ZNF880: variants seen among roughly 807,000 people sequenced by gnomAD.
ZNF880 encodes zinc finger protein 880.
A neutral mutation model predicts 11.8 loss-of-function variants in ZNF880; 12 were observed. The observed-to-expected ratio is 1.02, with a 90% CI of 0.65 to 1.65. The LOEUF (loss-of-function observed/expected upper bound fraction) is 1.65. ZNF880 is among the 40% of genes most tolerant of loss of function. The pLI is 0.00. For missense variants in ZNF880, 601 were observed against 673.9 expected (o/e 0.89, Z 1.20); for synonymous variants, 210 against 232.4 (o/e 0.90, Z 0.88).
intron 1 of ZNF880, among the ~76,000 whole-genome samples, 187 bp from the exon 2 acceptor site, chr19:52,372,909 CAAAAAAAAAAAAAAA>C (rs201869014): frequency 8.6e-5 from 6 of 69,960 alleles, no homozygotes; most frequent in Non-Finnish European, 1.0e-4. Flanking sequence ...GACTCCGTCT[CAAAAAAAAAAAAAAA>C]AAAAAAAAAA....
chr19:52,372,510 G>A (rs1346293320), intron 1 of ZNF880, among the ~76,000 whole-genome samples: 2 of 150,552 alleles, frequency 1.3e-5, no homozygotes, highest in African/African-American at 2.4e-5. Context: ...GGATGGTCTC[G>A]ATCTCGTGAC....
chr19:52,367,939 G>A (rs112979523), upstream of ZNF880, among the ~76,000 whole-genome samples: 6 of 151,890 alleles, frequency 4.0e-5, no homozygotes, highest in African/African-American at 7.3e-5. Context: ...GGTGGCTCAC[G>A]CCTGTAATCT....
At chr19:52,393,592 G>A in the ZNF880 span, among the ~76,000 whole-genome samples, 1 of 151,964 alleles carries the variant, frequency 6.6e-6, no homozygotes, top group Non-Finnish European at 1.5e-5. Flanking sequence ...AGGTGTTTGG[G>A]TTTTTTGTCT....
At position 52,385,234 on chromosome 19, in the gene ZNF880, G is replaced by C. The variant is rs1437806302; in HGVS notation, c.1654G>C (p.Glu552Gln). 4 of 1,551,908 alleles carry C rather than the reference G, an allele frequency of 2.6e-6. No individual in the cohort carries two copies. Among genetic ancestry groups the C allele is most frequent in the East Asian group, 4.9e-5 (2 of 40,918 alleles). ...HTGEKPYRCH[E>Q]CGKDFTRNSN... is the part of the protein sequence containing the mutation. ...TGGGGAGAAACCGTACAGATGTCAT[G>C]AATGTGGTAAGGACTTCACTCGAAA... is the stretch of plus-strand genomic sequence containing the variant. Residue 552 changes from glutamate to glutamine, a missense_variant, in exon 4 of 4, where the codon GAA becomes CAA. Glu to Gln is a conservative substitution (Grantham distance 29, BLOSUM62 2). This residue lies in a region of ZNF880 where 177 missense variants were observed against 214.5 expected (regional missense o/e 0.83). Coordinates refer to ENST00000422689, the MANE Select transcript of ZNF880 (RefSeq NM_001145434.2).
chr19:52,381,664 T>C (rs1021431959), intron 3 of ZNF880, among the ~76,000 whole-genome samples: 1 of 152,044 alleles, frequency 6.6e-6, no homozygotes, highest in African/African-American at 2.4e-5. Flanking sequence ...TTCCCCTACA[T>C]GTCTTTCTTA....
At chr19:52,382,762 G>A (rs1385583115) in intron 3 of ZNF880, among the ~76,000 whole-genome samples, 1 of 152,060 alleles carries the variant, frequency 6.6e-6, no homozygotes, top group Admixed American at 6.5e-5. Flanking sequence ...GAATGTCCTT[G>A]GGTTCGTTTT....
Position 52,385,473 on chromosome 19 carries a change from C to A in ZNF880, c.*159C>A. The A allele has an allele frequency of 1.1e-6, 1 of 873,328 alleles. No homozygotes were observed. The highest frequency in any genetic ancestry group is 1.7e-6 in the Non-Finnish European group (1 of 585,796). 54.1% of individuals were successfully genotyped at this position (873,328 alleles called of 1,614,324 possible). A position where few individuals can be genotyped will look rare whatever the true frequency, so the allele number is the denominator to read the frequency against. ...ATTCCATACTAAAGAGAAATCATAG[C>A]AATGTATGTGAATCAGGTCTCTTGA... On this transcript the variant is annotated 3_prime_UTR_variant, in exon 4 of 4. Transcript: ENST00000422689.
intron 3 of ZNF880, among the ~76,000 whole-genome samples, chr19:52,382,225 C>T (rs1986726684): frequency 6.6e-6 from 1 of 151,890 alleles, no homozygotes; most frequent in South Asian, 2.1e-4. Flanking sequence ...TGCAGTGGGC[C>T]AAGATCACGC....
chr19:52,393,955 G>C, the ZNF880 span, among the ~76,000 whole-genome samples: 8 of 150,704 alleles, frequency 5.3e-5, no homozygotes, highest in East Asian at 1.6e-3. Flanking sequence ...TCCTGCCTCG[G>C]CCTCCCCAGT....
At chr19:52,383,423 C>CAGG (rs10688507) in intron 3 of ZNF880, among the ~76,000 whole-genome samples, 58,784 of 151,668 alleles carry the variant, frequency 0.39, 11,430 homozygotes, top group South Asian at 0.51. Context: ...AAGCGTTGTG[C>CAGG]AGGATACCTT....
intron 3 of ZNF880, among the ~76,000 whole-genome samples, chr19:52,381,883 A>G (rs893821113): frequency 6.6e-6 from 1 of 152,144 alleles, no homozygotes; most frequent in African/African-American, 2.4e-5. Context: ...TTCTGCTATT[A>G]ATGGCAGAAA....
rs1439447583 is a variant in ZNF880, at chr19:52,385,150, G to C, written c.1570G>C (p.Glu524Gln). The C allele has an allele frequency of 6.4e-7, 1 of 1,556,108 alleles. No individual in the cohort carries two copies. The highest frequency in any genetic ancestry group is 1.4e-5 in the African/African-American group (1 of 73,188). The change falls in exon 4 of 4, where the codon GAA (glutamate) becomes CAA (glutamine). Residue 524 changes from glutamate (E) to glutamine (Q), a missense_variant. Physicochemically the swap from Glu to Gln is conservative, Grantham distance 29 (BLOSUM62 2). Transcript: ENST00000422689. Reference sequence around the variant, plus strand: ...TGGAGAGAAGTCTTACAAATGCAATGAATGTGGCAAGGTCTTCAGCCACAA... The same window carrying C: ...TGGAGAGAAGTCTTACAAATGCAATCAATGTGGCAAGGTCTTCAGCCACAA... The part of the protein sequence containing the change: ...HTGEKSYKCN[E>Q]CGKVFSHKLY...
chr19:52,371,362 T>G (rs76063983), intron 1 of ZNF880, among the ~76,000 whole-genome samples: 3,994 of 151,970 alleles, frequency 0.026, 170 homozygotes, highest in African/African-American at 0.092. Context: ...TTTTTTTTTC[T>G]TTTTCTGAGA....
Position 52,373,091 on chromosome 19 carries a change from A to C in ZNF880, c.13-20A>C. ...CATTTTGTGTGATATCCTGTTGGTG[A>C]AATGTGTTTTTCATTTTAGGGACAC... On this transcript the variant is annotated intron_variant, in intron 1 of 3. Coordinates refer to ENST00000422689, the MANE Select transcript of ZNF880 (RefSeq NM_001145434.2). The C allele has an allele frequency of 6.2e-7, 1 of 1,611,102 alleles. No homozygotes were observed.
At chr19:52,372,771 G>A (rs1180907009) in intron 1 of ZNF880, among the ~76,000 whole-genome samples, 3 of 150,122 alleles carry the variant, frequency 2.0e-5, no homozygotes, top group Non-Finnish European at 4.4e-5. Flanking sequence ...TTAGCTGGGC[G>A]TGGTGGCGGG....
At chr19:52,387,518 G>A (rs1261606961), downstream of ZNF880, among the ~76,000 whole-genome samples, 1 of 137,400 alleles carries the variant, frequency 7.3e-6, no homozygotes, top group Admixed American at 7.2e-5. Flanking sequence ...GCACAATCTC[G>A]GCTCACTGCA....
chr19:52,393,992 A>T, the ZNF880 span, among the ~76,000 whole-genome samples: 5 of 149,590 alleles, frequency 3.3e-5, no homozygotes, highest in African/African-American at 7.5e-5. Flanking sequence ...ACCCGCCACC[A>T]CACCTGGCTA....
intron 3 of ZNF880, among the ~76,000 whole-genome samples, chr19:52,383,290 G>A (rs1437089015): frequency 6.6e-6 from 1 of 152,062 alleles, no homozygotes; most frequent in Non-Finnish European, 1.5e-5. Flanking sequence ...CTATTTTTAG[G>A]CTTGTTTTGT....
Position 52,385,051 on chromosome 19 carries a change from C to T in ZNF880, c.1471C>T (p.Pro491Ser). 1.9e-6 allele frequency: 3 copies of T among 1,568,764 alleles called. No homozygotes were observed. The highest frequency in any genetic ancestry group is 2.6e-6 in the Non-Finnish European group (3 of 1,156,468). Residue 491 changes from proline to serine, a missense_variant, in exon 4 of 4, where the codon CCT becomes TCT. Around this residue, in one of 3 missense-constraint regions of ZNF880, gnomAD observed 177 missense variants for 214.5 expected, o/e 0.83. Coordinates refer to ENST00000422689, the MANE Select transcript of ZNF880 (RefSeq NM_001145434.2). Reference sequence around the variant, plus strand: ...TCACAGAATCCATACTGGAGAGAAACCTTACAAATGCAGTGAATGTCACAA... The same window carrying T: ...TCACAGAATCCATACTGGAGAGAAATCTTACAAATGCAGTGAATGTCACAA... Reference protein sequence around the residue: ...NHHRIHTGEKPYKCSECHKVF... With the variant: ...NHHRIHTGEKSYKCSECHKVF...
Sources: gnomAD v4.1 joint callset for allele counts (sites outside exome capture counted in the v4.1 genomes callset) on GRCh38, gnomAD v4.1.1 for gene constraint, gnomAD v4.1.1 regional missense constraint, MANE v1.5 for transcripts, NCBI Gene and HGNC (gene_info 2026-07-23, HGNC 2026-07-21) for gene names.